Variants in CD99L2 observed in about 807,000 individuals in gnomAD.
The protein encoded by CD99L2 is CD99 antigen-like protein 2.
In CD99L2, 24 loss-of-function variants were observed where a neutral mutation model predicts 27.3. The ratio of observed to expected loss-of-function variants is 0.88; its 90% CI spans 0.64 to 1.24. The LOEUF (loss-of-function observed/expected upper bound fraction) is 1.24, where lower values mean the gene tolerates loss of function less well. CD99L2 is among the 50% of genes most tolerant of loss of function. CD99L2 has a pLI of 0.00. For missense variants in CD99L2, 255 were observed against 221.6 expected (o/e 1.15, Z -0.96); for synonymous variants, 97 against 87.9 (o/e 1.10, Z -0.58).
intron 1 of CD99L2, among the ~76,000 whole-genome samples, chrX:150,832,463 A>G (rs1290919454): frequency 8.9e-6 from 1 of 111,850 alleles, no homozygotes; most frequent in Non-Finnish European, 1.9e-5. Context: ...GTCTCTATCA[A>G]AAACTACAAA....
chrX:150,845,080 G>C (rs1603304775), intron 1 of CD99L2, among the ~76,000 whole-genome samples: 1 of 112,237 alleles, frequency 8.9e-6, no homozygotes, highest in Admixed American at 9.4e-5. Flanking sequence ...TGATGAGTTT[G>C]TAATTGAAAG....
At chrX:150,889,323 C>A (rs1393521662) in intron 1 of CD99L2, among the ~76,000 whole-genome samples, 2 of 112,618 alleles carry the variant, frequency 1.8e-5, no homozygotes, top group Non-Finnish European at 3.8e-5. Context: ...CTTCTTTGTC[C>A]TCTGGCCTCC....
intron 8 of CD99L2, chrX:150,776,905 T>C: frequency 7.5e-6 from 1 of 132,647 alleles, no homozygotes; most frequent in Non-Finnish European, 1.5e-5. Flanking sequence ...AATCAATATG[T>C]GTAAGACGTA....
chrX:150,897,637 A>T (rs782579953), intron 1 of CD99L2, among the ~76,000 whole-genome samples: 1 of 111,752 alleles, frequency 8.9e-6, no homozygotes, highest in East Asian at 2.8e-4. Flanking sequence ...GTTCAATTAC[A>T]GTGTTTCCCT....
chrX:150,829,061 C>T (rs1309397536), intron 2 of CD99L2: 4 of 113,921 alleles, frequency 3.5e-5, no homozygotes, highest in African/African-American at 1.3e-4. Flanking sequence ...GTGATTTGTC[C>T]ATGGCTGTAG....
intron 7 of CD99L2, among the ~76,000 whole-genome samples, chrX:150,792,976 A>G (rs2045717730): frequency 8.9e-6 from 1 of 111,941 alleles, no homozygotes; most frequent in Non-Finnish European, 1.9e-5. Flanking sequence ...CTTTGTGGCG[A>G]TGGAACAGTT....
chrX:150,823,334 G>A (rs2046268461), intron 2 of CD99L2, among the ~76,000 whole-genome samples: 1 of 111,857 alleles, frequency 8.9e-6, no homozygotes, highest in Non-Finnish European at 1.9e-5. Context: ...CGCTCAGGCT[G>A]GAGTGCAGTG....
intron 2 of CD99L2, among the ~76,000 whole-genome samples, chrX:150,817,396 C>G (rs2046178738): frequency 9.1e-6 from 1 of 110,025 alleles, no homozygotes; most frequent in African/African-American, 3.3e-5. Flanking sequence ...AAGCAAATAA[C>G]AATTAGCAAA....
chrX:150,857,039 G>A (rs1439737301), intron 1 of CD99L2, among the ~76,000 whole-genome samples: 2 of 111,178 alleles, frequency 1.8e-5, no homozygotes, highest in African/African-American at 6.5e-5. Context: ...TGGAAGACAG[G>A]TCTTTTGAGA....
chrX:150,824,653 A>AGAAGAAGAGGAAGAG (rs1488150136), intron 2 of CD99L2, among the ~76,000 whole-genome samples: 1 of 91,335 alleles, frequency 1.1e-5, no homozygotes, highest in African/African-American at 4.1e-5. Context: ...AAGAAGAAGA[A>AGAAGAAGAGGAAGAG]GAAGAAGAAG....
intron 2 of CD99L2, among the ~76,000 whole-genome samples, chrX:150,823,603 A>T (rs1476155566): frequency 5.4e-5 from 6 of 111,703 alleles, no homozygotes; most frequent in Non-Finnish European, 9.4e-5. Context: ...GGTAATTTAT[A>T]AAAAAGAGGA....
Position 150,898,569 on chromosome X carries a change from G to C in CD99L2, c.20C>G (p.Ala7Gly). ...GGAGAAAGCGAGGCAGACAAGGAAC[G>C]CCGAGCGCCAGGCCACCATGGCTGG... The part of the protein sequence containing the change: MVAWRS[A>G]FLVCLAFSLA... The change falls in exon 1 of 11, where the codon GCG becomes GGG. Residue 7 changes from alanine to glycine, a missense_variant. Ala to Gly is a moderately conservative substitution (Grantham distance 60). Coordinates refer to ENST00000370377, the MANE Select transcript of CD99L2 (RefSeq NM_031462.4). The C allele has an allele frequency of 8.9e-7, 1 of 1,118,246 alleles. No homozygotes were observed. The highest frequency in any genetic ancestry group is 1.2e-6 in the Non-Finnish European group (1 of 851,300). 92.2% of individuals were successfully genotyped at this position (1,118,246 alleles called of 1,213,427 possible). A position where few individuals can be genotyped will look rare whatever the true frequency, so the allele number is the denominator to read the frequency against.
At chrX:150,777,850 G>C (rs1175482124) in intron 7 of CD99L2, among the ~76,000 whole-genome samples, 4 of 112,210 alleles carry the variant, frequency 3.6e-5, no homozygotes, top group Non-Finnish European at 7.5e-5. Flanking sequence ...GCTGTGCCGG[G>C]ACAGCCCGAC....
At chrX:150,823,324 C>T (rs1347270639) in intron 2 of CD99L2, among the ~76,000 whole-genome samples, 3 of 111,834 alleles carry the variant, frequency 2.7e-5, no homozygotes, top group Admixed American at 9.4e-5. Context: ...CTCACTCTGT[C>T]GCTCAGGCTG....
intron 4 of CD99L2, among the ~76,000 whole-genome samples, chrX:150,802,497 T>C (rs2045923361): frequency 9.4e-6 from 1 of 106,206 alleles, no homozygotes; most frequent in Non-Finnish European, 1.9e-5. Context: ...GTCAGGGAGG[T>C]GGAGGCTGCA....
intron 10 of CD99L2, among the ~76,000 whole-genome samples, chrX:150,769,660 T>A (rs1346478524): frequency 9.3e-6 from 1 of 108,083 alleles, no homozygotes; most frequent in Non-Finnish European, 1.9e-5. Context: ...TCGCCTGAGC[T>A]GTCCTAGTCT....
intron 1 of CD99L2, among the ~76,000 whole-genome samples, chrX:150,880,734 A>T (rs1244363698): frequency 8.9e-6 from 1 of 111,783 alleles, no homozygotes; most frequent in African/African-American, 3.3e-5. Flanking sequence ...GGGAGGAGAA[A>T]GGAAATTAAT....
At chrX:150,838,846 T>C (rs1425742434) in intron 1 of CD99L2, among the ~76,000 whole-genome samples, 1 of 84,455 alleles carries the variant, frequency 1.2e-5, no homozygotes, top group African/African-American at 4.7e-5. Flanking sequence ...TGAGCCACCA[T>C]GCCCAGCGGA....
At chrX:150,770,723 T>C (rs1415696569) in intron 9 of CD99L2, among the ~76,000 whole-genome samples, 9 of 112,969 alleles carry the variant, frequency 8.0e-5, no homozygotes, top group African/African-American at 2.9e-4. Flanking sequence ...CAGGTCCGTG[T>C]GCGTGTGCGG....
Sources: gnomAD v4.1 joint callset for allele counts (sites outside exome capture counted in the v4.1 genomes callset) on GRCh38, gnomAD v4.1.1 for gene constraint, MANE v1.5 for transcripts, NCBI Gene and HGNC (gene_info 2026-07-23, HGNC 2026-07-21) for gene names.